EBF1: variants seen among roughly 807,000 people sequenced by gnomAD.
EBF1 encodes the protein transcription factor COE1.
In EBF1, 10 loss-of-function variants were observed where a neutral mutation model predicts 68.4. That is an observed-to-expected ratio of 0.15 (90% CI 0.09 to 0.25). The LOEUF (loss-of-function observed/expected upper bound fraction) is 0.25. Ranked by LOEUF, EBF1 falls within the 10% of genes least tolerant of loss-of-function variation. The probability of loss-of-function intolerance (pLI) is 1.00; values close to 1 mark genes in which losing one functional copy is unlikely to be tolerated. For missense variants in EBF1, 509 were observed against 794.4 expected, an observed-to-expected ratio of 0.64 and a Z score of 4.32; for synonymous variants, 298 against 299.8, an observed-to-expected ratio of 0.99 and a Z score of 0.06.
intron 6 of EBF1, among the ~76,000 whole-genome samples, chr5:159,005,315 C>A (rs1763337426): frequency 6.6e-6 from 1 of 152,142 alleles, no homozygotes; most frequent in African/African-American, 2.4e-5. Flanking sequence ...TGTGGTCTTC[C>A]CCTAAATATT....
At chr5:159,072,399 G>T (rs1415621760) in intron 6 of EBF1, among the ~76,000 whole-genome samples, 3 of 152,088 alleles carry the variant, frequency 2.0e-5, no homozygotes, top group Non-Finnish European at 2.9e-5. Context: ...GCCCAAAAAA[G>T]GTAGAAAGAA....
Position 159,095,647 on chromosome 5 carries a change from C to T in EBF1, c.384G>A (p.Val128=), listed in dbSNP as rs1294198328. The change falls in exon 4 of 16, where the codon GTG becomes GTA. Residue 128 remains valine, a synonymous_variant. Coordinates refer to ENST00000313708, the MANE Select transcript of EBF1 (RefSeq NM_024007.5). ...GTTTTGTCATGGAGTCAATGAGGCG[C>T]ACGTAGAAATCCTGCTCCGTCCTTA... is the stretch of plus-strand genomic sequence containing the variant. ...NGIRTEQDFY[V]RLIDSMTKQA... 6.2e-7 allele frequency: 1 copy of T among 1,613,974 alleles called. No homozygotes were observed. The highest frequency in any genetic ancestry group is 1.1e-5 in the South Asian group (1 of 91,060).
At chr5:158,829,723 T>A (rs985180646) in intron 7 of EBF1, among the ~76,000 whole-genome samples, 4 of 152,178 alleles carry the variant, frequency 2.6e-5, no homozygotes, top group Non-Finnish European at 5.9e-5. Context: ...TTCTACATTC[T>A]ACCTGTCAGC....
intron 6 of EBF1, among the ~76,000 whole-genome samples, chr5:158,988,057 G>A (rs1278341802): frequency 6.6e-6 from 1 of 152,176 alleles, no homozygotes; most frequent in Non-Finnish European, 1.5e-5. Context: ...ATTAAATACT[G>A]TATTTTCAGC....
chr5:158,819,434 G>T (rs554297423), intron 8 of EBF1, among the ~76,000 whole-genome samples: 4 of 152,190 alleles, frequency 2.6e-5, no homozygotes, highest in African/African-American at 9.7e-5. Context: ...TGAGGGCACC[G>T]CATTTTGCCA....
intron 6 of EBF1, among the ~76,000 whole-genome samples, chr5:159,000,470 G>C: frequency 6.6e-6 from 1 of 152,076 alleles, no homozygotes; most frequent in East Asian, 1.9e-4. Context: ...TTTTTCCATA[G>C]AACAGCATTT....
rs533852247 is a variant in EBF1 at position 159,023,163 on chromosome 5, C to T, written c.554+50233G>A. On this transcript the variant is annotated intron_variant, in intron 6 of 15. Transcript: ENST00000313708. ...TCTTAAGCAGGTATTAATTTATTTT[C>T]TACATCAGATGCCAGAATTTTCTCA... is the stretch of plus-strand genomic sequence containing the variant. Among the ~76,000 whole-genome samples, 4 of 147,308 alleles carry T rather than the reference C, an allele frequency of 2.7e-5. No individual in the cohort carries two copies. The South Asian group carries it at 8.7e-4, about 32-fold the overall frequency.
At chr5:158,789,789 C>T (rs960841509) in intron 9 of EBF1, among the ~76,000 whole-genome samples, 2 of 152,150 alleles carry the variant, frequency 1.3e-5, no homozygotes, top group Non-Finnish European at 2.9e-5. Flanking sequence ...GGGAAACTTC[C>T]GGTGGAATAC....
chr5:158,816,793 GA>G lies in EBF1; in HGVS notation c.778+6382del, dbSNP rs201390078. ...CTAAATCAATAATACGAAGCCATCT[GA>G]AAAAAAAAGAGGAGAAAGGACTCTT... On this transcript the variant is annotated intron_variant, in intron 8 of 15. Coordinates refer to ENST00000313708, the MANE Select transcript of EBF1 (RefSeq NM_024007.5). 8.7e-5 allele frequency among the ~76,000 whole-genome samples: 13 copies of G among 150,252 alleles called. No homozygotes were observed. In the East Asian group the frequency reaches 1.6e-3, roughly 18 times the overall value.
At chr5:158,747,238 C>T (rs1767782775) in intron 10 of EBF1, among the ~76,000 whole-genome samples, 1 of 152,164 alleles carries the variant, frequency 6.6e-6, no homozygotes, top group Admixed American at 6.6e-5. Flanking sequence ...TGTCATTCCT[C>T]CATGTAAGCC....
intron 6 of EBF1, among the ~76,000 whole-genome samples, chr5:159,005,035 A>G (rs540128864): frequency 6.6e-6 from 1 of 152,200 alleles, no homozygotes; most frequent in African/African-American, 2.4e-5. Context: ...ACCATGACCC[A>G]AAGACTGCAA....
intron 6 of EBF1, among the ~76,000 whole-genome samples, chr5:158,957,621 T>C (rs1817400317): frequency 6.6e-6 from 1 of 152,218 alleles, no homozygotes; most frequent in African/African-American, 2.4e-5. Context: ...ACCCAGGGTG[T>C]TTCAGGTAAG....
chr5:158,994,248 A>G (rs1760962619), intron 6 of EBF1, among the ~76,000 whole-genome samples: 1 of 152,242 alleles, frequency 6.6e-6, no homozygotes, highest in Non-Finnish European at 1.5e-5. Context: ...AACTCCAACA[A>G]TATGAATAGA....
intron 7 of EBF1, 45 bp from the exon 8 acceptor site, chr5:158,823,362 C>G (rs183687174): frequency 3.2e-6 from 5 of 1,564,542 alleles, no homozygotes; most frequent in Middle Eastern, 1.7e-4. Context: ...AATATAAAAG[C>G]GTGGTGGGTA....
chr5:158,982,991 C>G (rs1048168242), intron 6 of EBF1: 1 of 152,186 alleles, frequency 6.6e-6, no homozygotes, highest in Non-Finnish European at 1.5e-5. Context: ...CCCCTGGCAC[C>G]AGGCTCCACC....
At chr5:158,840,362 A>G (rs962258272) in intron 6 of EBF1, among the ~76,000 whole-genome samples, 1 of 152,146 alleles carries the variant, frequency 6.6e-6, no homozygotes, top group African/African-American at 2.4e-5. Context: ...CCAAGGAAGT[A>G]TTTTCACTCA....
chr5:158,935,834 CAA>C (rs1811895272), intron 6 of EBF1, among the ~76,000 whole-genome samples: 1 of 152,098 alleles, frequency 6.6e-6, no homozygotes, highest in Non-Finnish European at 1.5e-5. Context: ...CAGAAAAAGC[CAA>C]TATATATGAT....
intron 7 of EBF1, among the ~76,000 whole-genome samples, chr5:158,824,787 ACAGT>A (rs1232560246): frequency 6.6e-6 from 1 of 152,242 alleles, no homozygotes; most frequent in East Asian, 1.9e-4. Flanking sequence ...GCCAGTCCCC[ACAGT>A]CTTCCCATAC....
chr5:158,980,859 C>T (rs1391118146), intron 6 of EBF1, among the ~76,000 whole-genome samples: 1 of 151,896 alleles, frequency 6.6e-6, no homozygotes, highest in South Asian at 2.1e-4. Context: ...CATTTTTTTC[C>T]CCTTGTCTAT....
Sources: allele counts gnomAD v4.1 joint callset (sites outside exome capture counted in the v4.1 genomes callset), GRCh38; gene constraint gnomAD v4.1.1; transcripts MANE v1.5; gene names NCBI Gene and HGNC (gene_info 2026-07-23, HGNC 2026-07-21).